Variants in SKP1 observed in about 807,000 individuals in gnomAD.
SKP1 encodes S-phase kinase associated protein 1, also known as S-phase kinase-associated protein 1.
A neutral mutation model predicts 21.5 loss-of-function variants in SKP1; 1 was observed. That is an observed-to-expected ratio of 0.05 (90% CI 0.02 to 0.22). The LOEUF is 0.22. SKP1 is among the 10% of genes least tolerant of loss of function. SKP1 has a pLI of 1.00. For synonymous variants in SKP1, 59 were observed against 59.3 expected (o/e 0.99, Z 0.03); for missense variants, 70 against 192.0 (o/e 0.36, Z 3.76).
intron 2 of SKP1, among the ~76,000 whole-genome samples, chr5:134,168,491 C>T (rs1330896817): frequency 2.6e-5 from 4 of 151,824 alleles, no homozygotes; most frequent in African/African-American, 7.3e-5. Flanking sequence ...GAAAATTATC[C>T]GAATAAAAAC....
intron 1 of SKP1, chr5:134,174,444 C>T (rs1761501043): frequency 1.0e-6 from 1 of 981,788 alleles, no homozygotes; most frequent in Non-Finnish European, 1.2e-6. Flanking sequence ...TAGAAATTTT[C>T]CCCACAGTGA....
intron 3 of SKP1, among the ~76,000 whole-genome samples, chr5:134,164,252 G>A (rs184859948): frequency 1.2e-3 from 173 of 148,066 alleles, no homozygotes; most frequent in Admixed American, 3.6e-3. Context: ...CCCGGAGGCA[G>A]AGGCTGCAGT....
rs1284188632 is a variant in SKP1 at position 134,151,733 on chromosome 5, T to A, written c.*6000A>T. ...GCAGACACTGTTATGAGCAACTACA[T>A]TCCTCCCATAGAATGCTGCTCAATA... On this transcript the variant is annotated 3_prime_UTR_variant, in exon 6 of 6. Coordinates refer to ENST00000353411, the MANE Select transcript of SKP1 (RefSeq NM_170679.3). The A allele has an allele frequency of 2.2e-6, 1 of 455,726 alleles. No individual in the cohort carries two copies. The highest frequency in any genetic ancestry group is 3.3e-4 in the Middle Eastern group (1 of 3,074). 28.2% of individuals were successfully genotyped at this position (455,726 alleles called of 1,614,324 possible).
At chr5:134,168,957 G>C (rs1295058195) in intron 2 of SKP1, among the ~76,000 whole-genome samples, 1 of 152,060 alleles carries the variant, frequency 6.6e-6, no homozygotes, top group African/African-American at 2.4e-5. Context: ...CTGGTGTATA[G>C]ATGGTTTATA....
At chr5:134,162,185 C>T (rs1761232727) in intron 3 of SKP1, among the ~76,000 whole-genome samples, 1 of 152,080 alleles carries the variant, frequency 6.6e-6, no homozygotes. Context: ...ATGGCTCACT[C>T]GACCTCCTGT....
chr5:134,151,242 C>A lies in SKP1; in HGVS notation c.*6491G>T, dbSNP rs1761038450. On this transcript the variant is annotated 3_prime_UTR_variant, in exon 6 of 6. Coordinates refer to ENST00000353411, the MANE Select transcript of SKP1 (RefSeq NM_170679.3). ...GAAGCCTAGTTCTTTCAGGCATGTGCAATGTCAGGAAGCGGGGTGGGGCTT... is the reference window on the plus strand; with the variant it reads ...GAAGCCTAGTTCTTTCAGGCATGTGAAATGTCAGGAAGCGGGGTGGGGCTT... The A allele has an allele frequency of 6.6e-6, 1 of 151,482 alleles. No individual in the cohort carries two copies. The highest frequency in any genetic ancestry group is 1.5e-5 in the Non-Finnish European group (1 of 68,124). The allele number at this position is 151,482 out of a possible 1,614,324, so 9.4% of individuals were successfully genotyped here.
chr5:134,158,650 C>T (rs772830925), intron 4 of SKP1, 55 bp from the exon 5 acceptor site: 8 of 1,459,718 alleles, frequency 5.5e-6, no homozygotes, highest in Non-Finnish European at 7.6e-6. Flanking sequence ...AAACTAAATC[C>T]AAAGTTAATG....
At chr5:134,158,878 C>T (rs1216137521) in intron 4 of SKP1, among the ~76,000 whole-genome samples, 1 of 152,176 alleles carries the variant, frequency 6.6e-6, no homozygotes, top group African/African-American at 2.4e-5. Context: ...CACATGCACA[C>T]AAATACCACA....
At chr5:134,176,261 G>A (rs540386574) in intron 1 of SKP1, among the ~76,000 whole-genome samples, 1 of 152,326 alleles carries the variant, frequency 6.6e-6, no homozygotes, top group South Asian at 2.1e-4. Context: ...AGATGGAGCA[G>A]GCGGCTATGT....
intron 5 of SKP1, 149 bp downstream of exon 5, chr5:134,158,306 C>T: frequency 6.5e-7 from 1 of 1,534,000 alleles, no homozygotes; most frequent in Middle Eastern, 1.7e-4. Flanking sequence ...AAAGACAGAA[C>T]AGTAAGAGTA....
chr5:134,171,569 A>G (rs2149376934), intron 2 of SKP1, among the ~76,000 whole-genome samples: 1 of 152,136 alleles, frequency 6.6e-6, no homozygotes, highest in South Asian at 2.1e-4. Context: ...AATCTCAAAC[A>G]TGGTTTAAAC....
chr5:134,159,600 G>A (rs1244508840), intron 4 of SKP1, among the ~76,000 whole-genome samples: 1 of 151,442 alleles, frequency 6.6e-6, no homozygotes, highest in East Asian at 1.9e-4. Flanking sequence ...CAGGCTGGAG[G>A]GCAGTGGTGC....
chr5:134,167,533 T>G (rs1195364430), intron 2 of SKP1, among the ~76,000 whole-genome samples: 1 of 152,110 alleles, frequency 6.6e-6, no homozygotes. Flanking sequence ...GAGGGGTTTT[T>G]TTTTTTTGAG....
At position 134,152,855 on chromosome 5, in the gene SKP1, TAG is replaced by T. The variant is rs1453117647; in HGVS notation, c.*4876_*4877del. ...GTGCCCAGCCCAGGAACATTTTTAT[TAG>T]AGTTATCCACTCCCTCCCAGCAGTA... On this transcript the variant is annotated 3_prime_UTR_variant, in exon 6 of 6. Coordinates refer to ENST00000353411, the MANE Select transcript of SKP1 (RefSeq NM_170679.3). 1 of 152,404 alleles carries T rather than the reference TAG, an allele frequency of 6.6e-6. No homozygotes were observed. Among genetic ancestry groups the T allele is most frequent in the Non-Finnish European group, 1.5e-5 (1 of 68,220 alleles). The allele number at this position is 152,404 out of a possible 1,614,324, so 9.4% of individuals were successfully genotyped here. A position where few individuals can be genotyped will look rare whatever the true frequency, so the allele number is the denominator to read the frequency against.
chr5:134,176,846 G>C lies in SKP1; in HGVS notation c.-1+9C>G, dbSNP rs1323838440. ...ACGACCCTTTCCAGTTCAGTGGGCG[G>C]CTACTCACGGTGTTCGGTGTTAAGG... On this transcript the variant is annotated intron_variant, in intron 1 of 5. Transcript: ENST00000353411. The C allele has an allele frequency of 6.5e-6, 1 of 152,780 alleles. No individual in the cohort carries two copies. Among genetic ancestry groups the C allele is most frequent in the East Asian group, 1.9e-4 (1 of 5,200 alleles). The allele number at this position is 152,780 out of a possible 1,614,324, so 9.5% of individuals were successfully genotyped here.
intron 3 of SKP1, among the ~76,000 whole-genome samples, chr5:134,162,473 T>C (rs926204426): frequency 5.9e-5 from 9 of 152,150 alleles, no homozygotes; most frequent in African/African-American, 2.2e-4. Context: ...TGGCGCTATC[T>C]TGGCTCACTG....
rs1580922756 is a variant in SKP1 at position 134,154,853 on chromosome 5, A to T, written c.*2880T>A. 2 of 152,142 alleles carry T rather than the reference A, an allele frequency of 1.3e-5. No homozygotes were observed. The highest frequency in any genetic ancestry group is 3.8e-4 in the East Asian group (2 of 5,204). 9.4% of individuals were successfully genotyped at this position (152,142 alleles called of 1,614,324 possible). A position where few individuals can be genotyped will look rare whatever the true frequency, so the allele number is the denominator to read the frequency against. Reference sequence around the variant, plus strand: ...ACAGTAATTAGAGAAAGTCTTCATAATTCATCAGTAACCACTCTCCAAACC... The same window carrying T: ...ACAGTAATTAGAGAAAGTCTTCATATTTCATCAGTAACCACTCTCCAAACC... On this transcript the variant is annotated 3_prime_UTR_variant, in exon 6 of 6. Coordinates refer to ENST00000353411, the MANE Select transcript of SKP1 (RefSeq NM_170679.3).
chr5:134,167,456 A>C (rs1761352380), intron 2 of SKP1, among the ~76,000 whole-genome samples: 1 of 152,122 alleles, frequency 6.6e-6, no homozygotes, highest in Non-Finnish European at 1.5e-5. Context: ...ATTACTCCCT[A>C]AACAATACAG....
At chr5:134,166,868 T>A (rs1172030576) in intron 3 of SKP1, among the ~76,000 whole-genome samples, 1 of 152,210 alleles carries the variant, frequency 6.6e-6, no homozygotes, top group Non-Finnish European at 1.5e-5. Context: ...TAAGCCAACC[T>A]GCGATCCAGA....
Sources: allele counts gnomAD v4.1 joint callset (sites outside exome capture counted in the v4.1 genomes callset), GRCh38; gene constraint gnomAD v4.1.1; transcripts MANE v1.5; gene names NCBI Gene and HGNC (gene_info 2026-07-23, HGNC 2026-07-21).